Variants in SPPL3 observed in about 807,000 individuals in gnomAD.
SPPL3 encodes signal peptide peptidase like 3, also known as signal peptide peptidase-like 3.
In SPPL3, 5 loss-of-function variants were observed where a neutral mutation model predicts 42.4. That is an observed-to-expected ratio of 0.12 (90% CI 0.06 to 0.25). SPPL3 has a LOEUF of 0.25. Ranked by LOEUF, SPPL3 falls within the 10% of genes least tolerant of loss-of-function variation. SPPL3 has a pLI of 1.00. For synonymous variants in SPPL3, 195 were observed against 181.8 expected (o/e 1.07, Z -0.58); for missense variants, 235 against 489.0 (o/e 0.48, Z 4.90).
chr12:120,888,040 C>G (rs189547698), intron 1 of SPPL3, among the ~76,000 whole-genome samples: 1 of 152,314 alleles, frequency 6.6e-6, no homozygotes, highest in Admixed American at 6.5e-5. Context: ...TACATCTGCA[C>G]AAAAACTTGT....
At chr12:120,790,144 C>A (rs1469838233) in intron 3 of SPPL3, among the ~76,000 whole-genome samples, 2 of 152,124 alleles carry the variant, frequency 1.3e-5, no homozygotes, top group Non-Finnish European at 2.9e-5. Flanking sequence ...GATTTTGCAC[C>A]AGGTTTTATG....
chr12:120,832,590 T>C (rs1566055147), intron 1 of SPPL3, among the ~76,000 whole-genome samples: 6 of 152,064 alleles, frequency 3.9e-5, no homozygotes, highest in Admixed American at 3.9e-4. Context: ...GGAGAATCAC[T>C]TGAACCCGGA....
chr12:120,886,866 T>C (rs191876860), intron 1 of SPPL3, among the ~76,000 whole-genome samples: 32 of 152,054 alleles, frequency 2.1e-4, no homozygotes, highest in African/African-American at 2.4e-4. Context: ...TAGCCACATG[T>C]AGCTACTGAG....
At chr12:120,859,636 C>A (rs966504861) in intron 1 of SPPL3, among the ~76,000 whole-genome samples, 8 of 152,178 alleles carry the variant, frequency 5.3e-5, no homozygotes, top group African/African-American at 1.9e-4. Context: ...TACACCTAAA[C>A]ACAACAGAAA....
At chr12:120,766,099 C>T (rs1260117732) in intron 10 of SPPL3, among the ~76,000 whole-genome samples, 164 bp downstream of exon 10, 8 of 25,678 alleles carry the variant, frequency 3.1e-4, no homozygotes, top group Non-Finnish European at 5.5e-4. Flanking sequence ...AGCGCGCGCG[C>T]GCACACACAC....
chr12:120,791,241 A>T (rs750386631), intron 3 of SPPL3, among the ~76,000 whole-genome samples: 28 of 152,246 alleles, frequency 1.8e-4, no homozygotes, highest in Non-Finnish European at 4.0e-4. Context: ...TAATATTATC[A>T]AATCAAGTCA....
At chr12:120,820,258 C>T (rs1871015119) in intron 1 of SPPL3, among the ~76,000 whole-genome samples, 1 of 151,042 alleles carries the variant, frequency 6.6e-6, no homozygotes, top group Non-Finnish European at 1.5e-5. Context: ...TCATTTTTCC[C>T]TTTATGGAAA....
chr12:120,787,728 G>A (rs1027983757), intron 3 of SPPL3, among the ~76,000 whole-genome samples: 7 of 152,106 alleles, frequency 4.6e-5, no homozygotes, highest in African/African-American at 1.7e-4. Flanking sequence ...TTCCACCCAA[G>A]CACGCATCCT....
chr12:120,774,688 C>T (rs1869249326), intron 6 of SPPL3, among the ~76,000 whole-genome samples: 1 of 151,848 alleles, frequency 6.6e-6, no homozygotes, highest in Non-Finnish European at 1.5e-5. Flanking sequence ...ATGTCGTATT[C>T]CCAGAACATG....
chr12:120,902,461 T>A (rs1874012254), intron 1 of SPPL3, among the ~76,000 whole-genome samples: 1 of 152,218 alleles, frequency 6.6e-6, no homozygotes, highest in South Asian at 2.1e-4. Flanking sequence ...TTATAATTAA[T>A]GTAGTAAGAT....
chr12:120,789,480 A>T (rs572322072), intron 3 of SPPL3, among the ~76,000 whole-genome samples: 1 of 145,658 alleles, frequency 6.9e-6, no homozygotes, highest in African/African-American at 2.5e-5. Context: ...AGCATTTAAA[A>T]AAGAAGTATT....
rs1868728773 is a variant in SPPL3, at chr12:120,763,074, G to A, written c.*1925C>T. The A allele has an allele frequency of 6.6e-6, 1 of 152,232 alleles. No homozygotes were observed. The highest frequency in any genetic ancestry group is 1.5e-5 in the Non-Finnish European group (1 of 68,088). The allele number at this position is 152,232 out of a possible 1,614,324, so 9.4% of individuals were successfully genotyped here. On this transcript the variant is annotated 3_prime_UTR_variant, in exon 11 of 11. Coordinates refer to ENST00000353487, the MANE Select transcript of SPPL3 (RefSeq NM_139015.5). The stretch of plus-strand genomic sequence containing the variant: ...GTTTTGAGTTCTGTGGACAGCAGAA[G>A]CTTCAGTTCTTTGATGTATCTATGA...
intron 1 of SPPL3, among the ~76,000 whole-genome samples, chr12:120,883,198 A>G (rs1873346994): frequency 6.6e-6 from 1 of 151,402 alleles, no homozygotes; most frequent in African/African-American, 2.4e-5. Flanking sequence ...CCAGCTATTC[A>G]GGAAGCTGAG....
rs2136963716 is a variant in SPPL3 at position 120,764,988 on chromosome 12, C to T, written c.*11G>A. 2 of 1,613,634 alleles carry T rather than the reference C, an allele frequency of 1.2e-6. No individual in the cohort carries two copies. Among genetic ancestry groups the T allele is most frequent in the East Asian group, 2.2e-5 (1 of 44,872 alleles). ...CTATGACGGCCATCTGGTCACTTTC[C>T]ACGTGATCCATCATACTTCCAGGAA... On this transcript the variant is annotated 3_prime_UTR_variant, in exon 11 of 11. Coordinates refer to ENST00000353487, the MANE Select transcript of SPPL3 (RefSeq NM_139015.5).
intron 6 of SPPL3, among the ~76,000 whole-genome samples, chr12:120,778,632 A>G (rs542240647): frequency 3.9e-5 from 6 of 152,278 alleles, no homozygotes; most frequent in African/African-American, 1.2e-4. Context: ...TAACAAATGT[A>G]TTTTAAAATT....
At chr12:120,873,487 C>G (rs949212085) in intron 1 of SPPL3, among the ~76,000 whole-genome samples, 1 of 152,210 alleles carries the variant, frequency 6.6e-6, no homozygotes, top group South Asian at 2.1e-4. Flanking sequence ...AAAACCACAT[C>G]AAGGCACATC....
At chr12:120,892,464 T>G (rs1166792777) in intron 1 of SPPL3, among the ~76,000 whole-genome samples, 2 of 150,780 alleles carry the variant, frequency 1.3e-5, no homozygotes, top group Non-Finnish European at 3.0e-5. Flanking sequence ...TGGGTAGGAG[T>G]CAACATGTTT....
intron 1 of SPPL3, among the ~76,000 whole-genome samples, chr12:120,853,140 G>A (rs1160358803): frequency 6.6e-6 from 1 of 151,362 alleles, no homozygotes; most frequent in East Asian, 1.9e-4. Flanking sequence ...CAGGTGATCC[G>A]CCCGCCTCAG....
chr12:120,808,686 C>A (rs1485961513), intron 2 of SPPL3, among the ~76,000 whole-genome samples: 1 of 152,060 alleles, frequency 6.6e-6, no homozygotes, highest in South Asian at 2.1e-4. Context: ...AACGAAATGT[C>A]AAATTACTAA....
Sources: allele counts gnomAD v4.1 joint callset (sites outside exome capture counted in the v4.1 genomes callset), GRCh38; gene constraint gnomAD v4.1.1; transcripts MANE v1.5; gene names NCBI Gene and HGNC (gene_info 2026-07-23, HGNC 2026-07-21).